EFCAB6: variants seen among roughly 807,000 people sequenced by gnomAD.
The protein encoded by EFCAB6 is EF-hand calcium-binding domain-containing protein 6.
EFCAB6 carries 156 observed loss-of-function variants against 169.8 expected under a neutral mutation model. That is an observed-to-expected ratio of 0.92 (90% confidence interval 0.81 to 1.05). The LOEUF is 1.05. Ranked by LOEUF, EFCAB6 falls within the 50% of genes least tolerant of loss-of-function variation. The pLI is 0.00. For synonymous variants in EFCAB6, 698 were observed against 676.4 expected (o/e 1.03, Z -0.50); for missense variants, 1,800 against 1,829.1 (o/e 0.98, Z 0.29).
intron 3 of EFCAB6, among the ~76,000 whole-genome samples, chr22:43,774,034 G>A (rs1424706300): frequency 6.6e-6 from 1 of 152,006 alleles, no homozygotes; most frequent in Admixed American, 6.6e-5. Flanking sequence ...GGAACAATAG[G>A]TAGGAAATTA....
At chr22:43,710,876 T>C (rs2059137099) in intron 10 of EFCAB6, among the ~76,000 whole-genome samples, 1 of 152,180 alleles carries the variant, frequency 6.6e-6, no homozygotes, top group East Asian at 1.9e-4. Flanking sequence ...TAGGGAAACA[T>C]GTAAAATGAC....
At chr22:43,635,837 C>T (rs943341467) in intron 17 of EFCAB6, among the ~76,000 whole-genome samples, 3 of 152,196 alleles carry the variant, frequency 2.0e-5, no homozygotes, top group African/African-American at 7.2e-5. Flanking sequence ...CAAGAAAACA[C>T]TCTTCCCTGC....
At chr22:43,564,706 C>T (rs1235214690) in intron 26 of EFCAB6, among the ~76,000 whole-genome samples, 2 of 152,288 alleles carry the variant, frequency 1.3e-5, no homozygotes, top group Non-Finnish European at 2.9e-5. Context: ...AGTTCACGTT[C>T]GGTTTTATTG....
chr22:43,658,653 G>A (rs934287640), intron 17 of EFCAB6, among the ~76,000 whole-genome samples: 2 of 152,156 alleles, frequency 1.3e-5, no homozygotes, highest in Non-Finnish European at 2.9e-5. Flanking sequence ...TTGCCCTCAG[G>A]GAACGTGCCC....
At chr22:43,632,009 G>C in intron 19 of EFCAB6, 96 bp downstream of exon 19, 9 of 1,511,846 alleles carry the variant, frequency 6.0e-6, no homozygotes, top group Non-Finnish European at 8.0e-6. Flanking sequence ...GGGCTGACTG[G>C]GACATGACCT....
chr22:43,547,905 C>T (rs2048154182), intron 27 of EFCAB6, among the ~76,000 whole-genome samples: 1 of 152,082 alleles, frequency 6.6e-6, no homozygotes, highest in Non-Finnish European at 1.5e-5. Context: ...TCCTGGCTAA[C>T]ATGGTGAAAC....
At chr22:43,783,593 G>A (rs1326713548) in intron 2 of EFCAB6, among the ~76,000 whole-genome samples, 2 of 152,176 alleles carry the variant, frequency 1.3e-5, no homozygotes, top group South Asian at 2.1e-4. Context: ...ATCCAACCAT[G>A]AGCTGACCAC....
chr22:43,595,250 T>C (rs551098339), intron 23 of EFCAB6, among the ~76,000 whole-genome samples: 1 of 150,708 alleles, frequency 6.6e-6, no homozygotes, highest in African/African-American at 2.4e-5. Flanking sequence ...AAACCTAAAT[T>C]AGTAGAAAGG....
At chr22:43,600,001 C>T (rs1319198896) in intron 23 of EFCAB6, 68 bp downstream of exon 23, 10 of 1,495,476 alleles carry the variant, frequency 6.7e-6, no homozygotes, top group Non-Finnish European at 9.0e-6. Flanking sequence ...TTTAAAATAA[C>T]TTGTGCTGTG....
intron 17 of EFCAB6, among the ~76,000 whole-genome samples, chr22:43,657,374 A>G (rs2056801612): frequency 6.6e-6 from 1 of 152,176 alleles, no homozygotes; most frequent in African/African-American, 2.4e-5. Context: ...GAAGTCATTT[A>G]GACTTTAGAA....
intron 26 of EFCAB6, among the ~76,000 whole-genome samples, chr22:43,557,005 A>G (rs2048747439): frequency 6.6e-6 from 1 of 152,238 alleles, no homozygotes; most frequent in Non-Finnish European, 1.5e-5. Flanking sequence ...TCCTGGACAT[A>G]GAGCCATACC....
chr22:43,561,446 C>T (rs1036808043), intron 26 of EFCAB6, among the ~76,000 whole-genome samples: 1 of 152,036 alleles, frequency 6.6e-6, no homozygotes, highest in Non-Finnish European at 1.5e-5. Flanking sequence ...CCCCGCCCCC[C>T]TCAGCCACCA....
chr22:43,586,944 T>C (rs1210270015), intron 24 of EFCAB6, among the ~76,000 whole-genome samples: 1 of 152,174 alleles, frequency 6.6e-6, no homozygotes, highest in East Asian at 1.9e-4. Context: ...AGAGAACAGC[T>C]GCTGGAGCAT....
At chr22:43,687,259 GACATA>G (rs2058231837) in intron 11 of EFCAB6, among the ~76,000 whole-genome samples, 1 of 152,148 alleles carries the variant, frequency 6.6e-6, no homozygotes, top group Non-Finnish European at 1.5e-5. Context: ...TCTAGAAATT[GACATA>G]ACAATTATAC....
At chr22:43,705,646 CAAACAAT>C (rs2058927827) in intron 10 of EFCAB6, among the ~76,000 whole-genome samples, 1 of 151,842 alleles carries the variant, frequency 6.6e-6, no homozygotes, top group Non-Finnish European at 1.5e-5. Flanking sequence ...TAAATAACAA[CAAACAAT>C]AAAGAAATTA....
At chr22:43,713,062 A>G (rs1437949848) in intron 9 of EFCAB6, among the ~76,000 whole-genome samples, 1 of 152,172 alleles carries the variant, frequency 6.6e-6, no homozygotes, top group African/African-American at 2.4e-5. Context: ...TTCCATCTTC[A>G]TATGTTTAGT....
At chr22:43,789,078 T>TAAAAA (rs1569490383) in intron 2 of EFCAB6, among the ~76,000 whole-genome samples, 1 of 151,320 alleles carries the variant, frequency 6.6e-6, no homozygotes. Context: ...AAGCAGGGGC[T>TAAAAA]AAAAAAAAGA....
intron 2 of EFCAB6, among the ~76,000 whole-genome samples, chr22:43,790,794 G>A (rs1003159896): frequency 2.0e-5 from 3 of 152,216 alleles, no homozygotes; most frequent in East Asian, 1.9e-4. Flanking sequence ...GCAATAATCC[G>A]TGCAAGAGAA....
intron 5 of EFCAB6, among the ~76,000 whole-genome samples, chr22:43,757,956 G>A (rs2061018393): frequency 6.6e-6 from 1 of 152,116 alleles, no homozygotes; most frequent in African/African-American, 2.4e-5. Context: ...CTTTATGTTT[G>A]AGTTTAGGTT....
Sources: allele counts gnomAD v4.1 joint callset (sites outside exome capture counted in the v4.1 genomes callset), GRCh38; gene constraint gnomAD v4.1.1; transcripts MANE v1.5; gene names NCBI Gene and HGNC (gene_info 2026-07-23, HGNC 2026-07-21).